The following KLB variants were observed in gnomAD, a reference collection of about 807,000 sequenced individuals.
KLB encodes the protein beta-klotho.
A neutral mutation model predicts 88.4 loss-of-function variants in KLB; 44 were observed. That is an observed-to-expected ratio of 0.50 (90% confidence interval 0.39 to 0.64). KLB has a LOEUF of 0.64. Among genes scored for constraint, KLB ranks in the 30% least tolerant of loss-of-function variants. KLB has a pLI of 0.00. For missense variants in KLB, 1,137 were observed against 1,304.8 expected, an observed-to-expected ratio of 0.87 and a Z score of 1.98; for synonymous variants, 548 against 513.4, an observed-to-expected ratio of 1.07 and a Z score of -0.91.
intron 1 of KLB, among the ~76,000 whole-genome samples, chr4:39,430,409 GA>G (rs4008368): frequency 7.5e-6 from 1 of 134,086 alleles, no homozygotes; most frequent in African/African-American, 2.6e-5. Flanking sequence ...TTTCTAATTA[GA>G]AAAAAAAAAA....
chr4:39,425,843 C>T (rs191915985), intron 1 of KLB, among the ~76,000 whole-genome samples: 65 of 152,186 alleles, frequency 4.3e-4, no homozygotes, highest in Admixed American at 1.1e-3. Flanking sequence ...TTGGGCCAGG[C>T]GCAGTGGCTC....
rs1307207497 is a variant in KLB at position 39,446,980 on chromosome 4, C to T, written c.2254C>T (p.Pro752Ser). The T allele has an allele frequency of 1.2e-6, 2 of 1,608,686 alleles. No individual in the cohort carries two copies. Among genetic ancestry groups the T allele is most frequent in the African/African-American group, 2.7e-5 (2 of 74,952 alleles). Residue 752 changes from proline to serine, a missense_variant, in exon 4 of 5, where the codon CCC becomes TCC. Coordinates refer to ENST00000257408, the MANE Select transcript of KLB (RefSeq NM_175737.4). The surrounding 1 kb of genome is among the most constrained non-coding windows in gnomAD (Gnocchi z 6.4). ...LHADWAEPAN[P>S]YADSHWRAAE... Reference sequence around the variant, plus strand: ...CGCGGACTGGGCGGAACCCGCCAACCCCTATGCTGACTCGCACTGGAGGGC... The same window carrying T: ...CGCGGACTGGGCGGAACCCGCCAACTCCTATGCTGACTCGCACTGGAGGGC...
intron 3 of KLB, among the ~76,000 whole-genome samples, chr4:39,442,179 T>C (rs1578213658): frequency 6.6e-6 from 1 of 151,776 alleles, no homozygotes; most frequent in Admixed American, 6.6e-5. Context: ...GGGAGGAAGG[T>C]TGCAGTGAGC....
intron 1 of KLB, among the ~76,000 whole-genome samples, chr4:39,430,929 T>TTC (rs1419989915): frequency 2.0e-5 from 3 of 146,486 alleles, no homozygotes; most frequent in South Asian, 2.2e-4. Flanking sequence ...TTTTTTTTTT[T>TTC]CCCCTGAGTC....
rs1743887972 is a variant in KLB at position 39,451,130 on chromosome 4, GT to G, written c.*2449del. ...CTGCCACTTGGGCATTATTTTACTA[GT>G]TTTTAAGCCATCATCGCACAAGAAT... On this transcript the variant is annotated 3_prime_UTR_variant, in exon 5 of 5. Transcript: ENST00000257408. 6.6e-6 allele frequency: 1 copy of G among 152,106 alleles called. No homozygotes were observed. The highest frequency in any genetic ancestry group is 2.1e-4 in the South Asian group (1 of 4,826). The allele number at this position is 152,106 out of a possible 1,614,324, so 9.4% of individuals were successfully genotyped here.
intron 1 of KLB, among the ~76,000 whole-genome samples, chr4:39,425,123 C>T (rs1188921071): frequency 6.6e-6 from 1 of 152,212 alleles, no homozygotes; most frequent in East Asian, 1.9e-4. Flanking sequence ...TGCAAATGCT[C>T]TCCTCCGGCA....
Position 39,446,443 on chromosome 4 carries a change from C to A in KLB, c.1717C>A (p.Pro573Thr). The A allele has an allele frequency of 6.2e-7, 1 of 1,614,248 alleles. No homozygotes were observed. Among genetic ancestry groups the A allele is most frequent in the African/African-American group, 1.3e-5 (1 of 75,064 alleles). Residue 573 changes from proline (P) to threonine (T), a missense_variant, in exon 4 of 5, where the codon CCC becomes ACC. This residue lies in a region of KLB where 597 missense variants were observed against 765.2 expected (regional missense o/e 0.78). Coordinates refer to ENST00000257408, the MANE Select transcript of KLB (RefSeq NM_175737.4). This position sits in a 1 kb window ranked among gnomAD's most constrained non-coding sequence, Gnocchi z 6.4. ...RVEGVRLKTR[P>T]AQCTDFVNIK... ...GGAAGGGGTGAGGCTGAAAACACGA[C>A]CCGCTCAATGCACAGATTTTGTAAA...
At chr4:39,435,272 C>A (rs1454039460) in intron 2 of KLB, among the ~76,000 whole-genome samples, 1 of 151,770 alleles carries the variant, frequency 6.6e-6, no homozygotes, top group African/African-American at 2.4e-5. Context: ...TGCATGCCAC[C>A]ACACCCAGCT....
At chr4:39,441,602 C>T (rs1410711079) in intron 3 of KLB, 1 of 152,066 alleles carries the variant, frequency 6.6e-6, no homozygotes, top group African/African-American at 2.4e-5. Flanking sequence ...GTTTCATACT[C>T]ATCTCTGGAG....
chr4:39,448,516 T>C lies in KLB; in HGVS notation c.2965T>C (p.Leu989=), dbSNP rs1172312964. Residue 989 remains leucine (L), a synonymous_variant, in exon 5 of 5, where the codon TTA becomes CTA. Transcript: ENST00000257408. ...TQENTECTVC[L]FLVQKKPLIF... Reference sequence around the variant, plus strand: ...AGAAAATACAGAGTGCACTGTCTGCTTATTCCTTGTGCAGAAGAAACCACT... The same window carrying C: ...AGAAAATACAGAGTGCACTGTCTGCCTATTCCTTGTGCAGAAGAAACCACT... The C allele has an allele frequency of 1.2e-6, 2 of 1,614,072 alleles. No individual in the cohort carries two copies. Among genetic ancestry groups the C allele is most frequent in the Non-Finnish European group, 1.7e-6 (2 of 1,180,016 alleles).
chr4:39,435,054 G>C (rs1030812746), intron 2 of KLB, among the ~76,000 whole-genome samples: 2 of 151,998 alleles, frequency 1.3e-5, no homozygotes, highest in African/African-American at 4.8e-5. Context: ...TGATCCGCCC[G>C]CCTCAGCCTC....
intron 1 of KLB, among the ~76,000 whole-genome samples, chr4:39,413,206 A>G (rs1742892618): frequency 1.3e-5 from 2 of 152,186 alleles, no homozygotes; most frequent in African/African-American, 4.8e-5. Flanking sequence ...TATTTGGCCT[A>G]TGCAGCAAAG....
chr4:39,447,199 C>A lies in KLB; in HGVS notation c.2473C>A (p.His825Asn). 6.2e-7 allele frequency: 1 copy of A among 1,614,024 alleles called. No homozygotes were observed. Among genetic ancestry groups the A allele is most frequent in the Non-Finnish European group, 8.5e-7 (1 of 1,180,046 alleles). Residue 825 changes from histidine to asparagine, a missense_variant, in exon 4 of 5, where the codon CAC becomes AAC. Coordinates refer to ENST00000257408, the MANE Select transcript of KLB (RefSeq NM_175737.4). ...KGTVDFCALN[H>N]FTTRFVMHEQ... is the part of the protein sequence containing the mutation. ...CACGGTCGACTTCTGCGCGCTCAACCACTTCACCACTAGGTTCGTGATGCA... is the reference window on the plus strand; with the variant it reads ...CACGGTCGACTTCTGCGCGCTCAACAACTTCACCACTAGGTTCGTGATGCA...
At chr4:39,415,771 G>A (rs1447605356) in intron 1 of KLB, among the ~76,000 whole-genome samples, 2 of 151,996 alleles carry the variant, frequency 1.3e-5, no homozygotes, top group Non-Finnish European at 2.9e-5. Flanking sequence ...CACAAATGAT[G>A]AAATAATTTT....
chr4:39,413,286 G>A (rs911081180), intron 1 of KLB, among the ~76,000 whole-genome samples: 2 of 152,154 alleles, frequency 1.3e-5, no homozygotes, highest in Non-Finnish European at 2.9e-5. Flanking sequence ...ATAAATACAT[G>A]TAATAATTTA....
chr4:39,432,289 G>GA (rs143322822), intron 1 of KLB, among the ~76,000 whole-genome samples: 14,570 of 145,590 alleles, frequency 0.1, 862 homozygotes, highest in Middle Eastern at 0.14. Context: ...CTGTCTCAAA[G>GA]AAAAAAAAAA....
chr4:39,444,984 G>T (rs556335264), intron 3 of KLB, among the ~76,000 whole-genome samples: 10 of 152,186 alleles, frequency 6.6e-5, no homozygotes, highest in Non-Finnish European at 1.2e-4. Context: ...ATTCTGTCAT[G>T]AGGGGAAAAA....
chr4:39,418,751 T>G (rs1166347129), intron 1 of KLB, among the ~76,000 whole-genome samples: 1 of 151,252 alleles, frequency 6.6e-6, no homozygotes, highest in Non-Finnish European at 1.5e-5. Flanking sequence ...AGTTCAAGAT[T>G]AGACTGGCCT....
At chr4:39,430,390 C>T (rs1459144778) in intron 1 of KLB, among the ~76,000 whole-genome samples, 1 of 93,156 alleles carries the variant, frequency 1.1e-5, no homozygotes, top group Non-Finnish European at 2.2e-5. Context: ...TAATTTATGA[C>T]TGCTTTTGTT....
Sources: allele counts gnomAD v4.1 joint callset (sites outside exome capture counted in the v4.1 genomes callset), GRCh38; gene constraint gnomAD v4.1.1; regional missense constraint gnomAD v4.1.1; non-coding constraint Gnocchi (gnomAD v3.1); transcripts MANE v1.5; gene names NCBI Gene and HGNC (gene_info 2026-07-23, HGNC 2026-07-21).